Variants in NEGR1 observed in about 807,000 individuals in gnomAD.
NEGR1 encodes IgLON family member 4.
In NEGR1, 10 loss-of-function variants were observed where a neutral mutation model predicts 40.9. The ratio of observed to expected loss-of-function variants is 0.24; its 90% CI spans 0.15 to 0.42. NEGR1 has a LOEUF of 0.42. Ranked by LOEUF, NEGR1 falls within the 10% of genes least tolerant of loss-of-function variation. NEGR1 has a pLI of 1.00. For missense variants in NEGR1, 352 were observed against 438.9 expected (o/e 0.80, Z 1.77); for synonymous variants, 185 against 166.8 (o/e 1.11, Z -0.84).
At chr1:72,114,562 A>G (rs1649511647) in intron 1 of NEGR1, among the ~76,000 whole-genome samples, 1 of 151,788 alleles carries the variant, frequency 6.6e-6, no homozygotes, top group South Asian at 2.1e-4. Context: ...AGAGATAAAG[A>G]TATTTGTTTC....
intron 2 of NEGR1, among the ~76,000 whole-genome samples, chr1:71,918,535 T>C (rs557775212): frequency 2.0e-5 from 3 of 152,184 alleles, no homozygotes; most frequent in Non-Finnish European, 4.4e-5. Context: ...AGAGCAATTT[T>C]TTATTTGTTC....
intron 6 of NEGR1, among the ~76,000 whole-genome samples, chr1:71,476,408 G>A (rs1279637421): frequency 2.0e-5 from 3 of 152,070 alleles, no homozygotes; most frequent in Admixed American, 6.6e-5. Flanking sequence ...CCAAAGAGAG[G>A]TCTGGCCTTT....
chr1:72,246,674 C>T (rs1362513933), intron 1 of NEGR1, among the ~76,000 whole-genome samples: 2 of 152,160 alleles, frequency 1.3e-5, no homozygotes, highest in African/African-American at 4.8e-5. Context: ...CTGCTGATGG[C>T]TCTACAATTC....
chr1:71,759,052 G>A (rs557780691), intron 3 of NEGR1, among the ~76,000 whole-genome samples: 1 of 152,200 alleles, frequency 6.6e-6, no homozygotes, highest in East Asian at 1.9e-4. Flanking sequence ...TAGTTACTAT[G>A]TGCTAACCTA....
At chr1:72,199,725 A>G (rs1653133787) in intron 1 of NEGR1, among the ~76,000 whole-genome samples, 1 of 152,022 alleles carries the variant, frequency 6.6e-6, no homozygotes. Context: ...TGCATTTTTT[A>G]CTATTTTCAA....
chr1:71,922,148 C>T (rs369589220), intron 2 of NEGR1, among the ~76,000 whole-genome samples: 22 of 152,232 alleles, frequency 1.4e-4, no homozygotes, highest in African/African-American at 5.3e-4. Context: ...CCAGTGTGAG[C>T]TGTGCCAATA....
At chr1:71,614,706 C>G (rs1650385909) in intron 4 of NEGR1, among the ~76,000 whole-genome samples, 1 of 152,220 alleles carries the variant, frequency 6.6e-6, no homozygotes, top group Non-Finnish European at 1.5e-5. Flanking sequence ...GTCAAGGGGG[C>G]CATGACTCAT....
At chr1:71,776,658 T>A (rs1427886119) in intron 2 of NEGR1, among the ~76,000 whole-genome samples, 2 of 152,160 alleles carry the variant, frequency 1.3e-5, no homozygotes, top group African/African-American at 4.8e-5. Flanking sequence ...CTTGTTGAAA[T>A]GGTTAAAAAA....
At chr1:71,776,842 T>C (rs1037779601) in intron 2 of NEGR1, among the ~76,000 whole-genome samples, 1 of 152,076 alleles carries the variant, frequency 6.6e-6, no homozygotes, top group Non-Finnish European at 1.5e-5. Flanking sequence ...TTCTCAAAAT[T>C]TGTGTTCTAA....
At chr1:71,679,097 A>T (rs897877994) in intron 4 of NEGR1, among the ~76,000 whole-genome samples, 1 of 152,106 alleles carries the variant, frequency 6.6e-6, no homozygotes, top group African/African-American at 2.4e-5. Context: ...AATTTTGCCC[A>T]TAATTTTGTT....
chr1:72,102,076 G>C (rs898984555), intron 1 of NEGR1, among the ~76,000 whole-genome samples: 1 of 151,880 alleles, frequency 6.6e-6, no homozygotes, highest in African/African-American at 2.4e-5. Context: ...GTATTTGATC[G>C]CTAGAAGAGA....
rs1379785955 is a variant in NEGR1, at chr1:71,397,912, A to G, written c.*9534T>C. 1 of 152,254 alleles carries G rather than the reference A, an allele frequency of 6.6e-6. No homozygotes were observed. Among genetic ancestry groups the G allele is most frequent in the East Asian group, 1.9e-4 (1 of 5,178 alleles). The allele number at this position is 152,254 out of a possible 1,614,324, so 9.4% of individuals were successfully genotyped here. A position where few individuals can be genotyped will look rare whatever the true frequency, so the allele number is the denominator to read the frequency against. On this transcript the variant is annotated 3_prime_UTR_variant, in exon 7 of 7. Transcript: ENST00000357731. ...TCCCTCTGCTATGTGCAGTCTAGGAACTTGGTGCTCTGCCTCCCAGTTGCT... is the reference window on the plus strand; with the variant it reads ...TCCCTCTGCTATGTGCAGTCTAGGAGCTTGGTGCTCTGCCTCCCAGTTGCT...
chr1:72,081,511 T>G (rs1647995774), intron 1 of NEGR1, among the ~76,000 whole-genome samples: 1 of 152,078 alleles, frequency 6.6e-6, no homozygotes, highest in Non-Finnish European at 1.5e-5. Context: ...CATTTTAAAG[T>G]TATATGTTTC....
intron 6 of NEGR1, chr1:71,573,637 A>G (rs1473419495): frequency 6.6e-6 from 1 of 152,194 alleles, no homozygotes; most frequent in African/African-American, 2.4e-5. Flanking sequence ...TGAATATTAT[A>G]AACCAAGTCA....
intron 6 of NEGR1, among the ~76,000 whole-genome samples, chr1:71,450,399 A>G (rs1045581944): frequency 6.6e-6 from 1 of 152,230 alleles, no homozygotes; most frequent in Non-Finnish European, 1.5e-5. Flanking sequence ...TATCATTTAA[A>G]TCGTAAATAC....
At chr1:72,256,150 A>C (rs960580418) in intron 1 of NEGR1, among the ~76,000 whole-genome samples, 7 of 152,240 alleles carry the variant, frequency 4.6e-5, no homozygotes, top group Non-Finnish European at 7.3e-5. Flanking sequence ...ATTAAGTCTT[A>C]GTAGCTTGCA....
chr1:71,816,884 C>T (rs1360359157), intron 2 of NEGR1, among the ~76,000 whole-genome samples: 1 of 151,876 alleles, frequency 6.6e-6, no homozygotes, highest in Middle Eastern at 3.2e-3. Context: ...AAAAACTTTC[C>T]CCCTAATATT....
At chr1:71,912,805 CAT>C (rs10605611) in intron 2 of NEGR1, among the ~76,000 whole-genome samples, 34,928 of 151,796 alleles carry the variant, frequency 0.23, 4,928 homozygotes, top group East Asian at 0.57. Context: ...GATGTATGTA[CAT>C]GTGTGTGTAT....
rs200362803 is a variant in NEGR1 at position 71,683,588 on chromosome 1, A to AT, written c.667+14419dup. 7.1e-3 allele frequency among the ~76,000 whole-genome samples: 1,066 copies of AT among 151,056 alleles called. 5 individuals carry two copies. Among genetic ancestry groups the AT allele is most frequent in the Non-Finnish European group, 0.011 (764 of 67,666 alleles). The stretch of plus-strand genomic sequence containing the variant: ...AAAGGAAAAATCTCCCTCAGGTTTA[A>AT]TTTTTTTTTAACTTCTCAAGATAAA... On this transcript the variant is annotated intron_variant, in intron 4 of 6. Transcript: ENST00000357731.
Sources: gnomAD v4.1 joint callset for allele counts (sites outside exome capture counted in the v4.1 genomes callset) on GRCh38, gnomAD v4.1.1 for gene constraint, MANE v1.5 for transcripts, NCBI Gene and HGNC (gene_info 2026-07-23, HGNC 2026-07-21) for gene names.